Variants in CSMD1 observed in about 807,000 individuals in gnomAD.
The protein encoded by CSMD1 is CUB and sushi domain-containing protein 1.
CSMD1 carries 213 observed loss-of-function variants against 417.5 expected under a neutral mutation model. That is an observed-to-expected ratio of 0.51 (90% CI 0.46 to 0.57). The LOEUF (loss-of-function observed/expected upper bound fraction) is 0.57, where lower values mean the gene tolerates loss of function less well. CSMD1 is among the 20% of genes least tolerant of loss of function. The probability of loss-of-function intolerance (pLI) is 0.00; values close to 1 mark genes in which losing one functional copy is unlikely to be tolerated. For missense variants in CSMD1, 6,923 were observed against 4,529.7 expected (o/e 1.53, Z -15.17); for synonymous variants, 2,862 against 1,736.8 (o/e 1.65, Z -16.11).
intron 1 of CSMD1, among the ~76,000 whole-genome samples, chr8:4,962,046 T>C (rs1809525734): frequency 1.3e-5 from 2 of 152,012 alleles, no homozygotes; most frequent in Admixed American, 6.6e-5. Flanking sequence ...GAAGGTTTTT[T>C]TGATTTACTC....
intron 18 of CSMD1, among the ~76,000 whole-genome samples, chr8:3,384,672 T>TTTATATATAAATATATATTTATATAAA (rs1220235293): frequency 9.8e-5 from 13 of 132,808 alleles, no homozygotes; most frequent in East Asian, 4.2e-4. Context: ...ATAGATGCTA[T>TTTATATATAAATATATATTTATATAAA]TTATATATAA....
chr8:3,478,996 CCAA>C (rs1263881400), intron 11 of CSMD1, among the ~76,000 whole-genome samples: 1 of 152,002 alleles, frequency 6.6e-6, no homozygotes, highest in Admixed American at 6.6e-5. Context: ...CATCGCCTCA[CCAA>C]CATCTCCCCA....
At chr8:2,992,709 GCCA>G (rs2128949263) in intron 54 of CSMD1, among the ~76,000 whole-genome samples, 1 of 152,088 alleles carries the variant, frequency 6.6e-6, no homozygotes, top group African/African-American at 2.4e-5. Flanking sequence ...ATAGGCGTGA[GCCA>G]CCATGCCCAG....
At chr8:4,950,263 A>G (rs909397330) in intron 1 of CSMD1, among the ~76,000 whole-genome samples, 2 of 152,128 alleles carry the variant, frequency 1.3e-5, no homozygotes, top group African/African-American at 4.8e-5. Flanking sequence ...TGCCACACAC[A>G]TATTTTCATT....
At chr8:4,901,022 C>T (rs1022820762) in intron 1 of CSMD1, among the ~76,000 whole-genome samples, 17 of 152,004 alleles carry the variant, frequency 1.1e-4, no homozygotes, top group African/African-American at 4.1e-4. Context: ...TAAAGAATGC[C>T]GATGTTCAAC....
chr8:3,947,673 A>C (rs2129835224), intron 5 of CSMD1, among the ~76,000 whole-genome samples: 1 of 152,330 alleles, frequency 6.6e-6, no homozygotes, highest in Non-Finnish European at 1.5e-5. Flanking sequence ...TGTTGTGATA[A>C]GATAATATAA....
At chr8:3,375,820 T>C (rs893443500) in intron 18 of CSMD1, among the ~76,000 whole-genome samples, 7 of 152,168 alleles carry the variant, frequency 4.6e-5, no homozygotes, top group African/African-American at 1.4e-4. Flanking sequence ...CATTTGATCA[T>C]CATCTACCTT....
intron 4 of CSMD1, among the ~76,000 whole-genome samples, chr8:4,030,278 T>C (rs140891443): frequency 6.6e-6 from 1 of 152,140 alleles, no homozygotes; most frequent in South Asian, 2.1e-4. Context: ...CTAGCAAAGG[T>C]TCTCCATGAG....
chr8:3,309,529 T>C (rs1805164025), intron 23 of CSMD1, among the ~76,000 whole-genome samples: 1 of 141,752 alleles, frequency 7.1e-6, no homozygotes, highest in Admixed American at 8.2e-5. Flanking sequence ...TGTATATTCC[T>C]TTTATGTGAG....
intron 1 of CSMD1, among the ~76,000 whole-genome samples, chr8:4,782,222 T>C (rs551051382): frequency 6.6e-6 from 1 of 152,180 alleles, no homozygotes; most frequent in Non-Finnish European, 1.5e-5. Context: ...CTTAATAATG[T>C]ATATCTCAAA....
chr8:4,234,816 G>C (rs1316844311), intron 3 of CSMD1, among the ~76,000 whole-genome samples: 1 of 152,120 alleles, frequency 6.6e-6, no homozygotes. Flanking sequence ...GGTGGTTGGA[G>C]AGATAAGAAC....
chr8:4,992,805 C>A (rs1278416592), intron 1 of CSMD1, among the ~76,000 whole-genome samples: 2 of 152,212 alleles, frequency 1.3e-5, no homozygotes, highest in South Asian at 2.1e-4. Flanking sequence ...AGAGGGTCGG[C>A]GTCTGCAAGA....
chr8:4,062,032 G>A (rs112703593), intron 3 of CSMD1, among the ~76,000 whole-genome samples: 1 of 152,156 alleles, frequency 6.6e-6, no homozygotes, highest in Non-Finnish European at 1.5e-5. Flanking sequence ...GAGCACGCAG[G>A]TGGTGAAAAT....
At chr8:4,372,679 C>G (rs1448019747) in intron 3 of CSMD1, among the ~76,000 whole-genome samples, 1 of 150,886 alleles carries the variant, frequency 6.6e-6, no homozygotes, top group Admixed American at 6.6e-5. Flanking sequence ...TGATGCAGGC[C>G]TGTCAAAGGA....
intron 1 of CSMD1, among the ~76,000 whole-genome samples, chr8:4,785,817 G>C (rs910475624): frequency 6.6e-6 from 1 of 152,110 alleles, no homozygotes; most frequent in Admixed American, 6.5e-5. Context: ...CTCGTTAAAT[G>C]GTGAAACTGT....
chr8:3,299,076 TGTCA>T (rs1196530056), intron 25 of CSMD1, among the ~76,000 whole-genome samples: 1 of 152,158 alleles, frequency 6.6e-6, no homozygotes, highest in Admixed American at 6.5e-5. Flanking sequence ...TGTAGGTAAG[TGTCA>T]GTCATTTTTT....
chr8:4,802,991 G>C (rs561479458), intron 1 of CSMD1, among the ~76,000 whole-genome samples: 7 of 152,166 alleles, frequency 4.6e-5, no homozygotes, highest in Non-Finnish European at 7.3e-5. Flanking sequence ...TATGTTATTA[G>C]AGCCAGCAGT....
At chr8:4,902,350 T>A (rs369889663) in intron 1 of CSMD1, among the ~76,000 whole-genome samples, 6 of 151,544 alleles carry the variant, frequency 4.0e-5, no homozygotes, top group South Asian at 2.1e-4. Context: ...GGCAGAAGGA[T>A]TGATTGAGCC....
chr8:3,044,349 T>C (rs1460000113), intron 50 of CSMD1, among the ~76,000 whole-genome samples: 1 of 149,562 alleles, frequency 6.7e-6, no homozygotes, highest in Non-Finnish European at 1.5e-5. Context: ...ACATTTAAGA[T>C]GTGTATACGT....
Sources: allele counts gnomAD v4.1 joint callset (sites outside exome capture counted in the v4.1 genomes callset), GRCh38; gene constraint gnomAD v4.1.1; transcripts MANE v1.5; gene names NCBI Gene and HGNC (gene_info 2026-07-23, HGNC 2026-07-21).